ATXN8OS: variants seen among roughly 807,000 people sequenced by gnomAD.
ATXN8OS encodes the protein ATXN8 opposite strand (non-protein coding).
At chr13:70,159,147 TTTA>T (rs1162212025) in intron 4 of ATXN8OS, among the ~76,000 whole-genome samples, 1 of 150,406 alleles carries the variant, frequency 6.6e-6, no homozygotes, top group African/African-American at 2.5e-5. Context: ...TACTAATTAA[TTTA>T]TTTTCTCTCC....
At chr13:70,117,000 C>T (rs1397689747) in intron 2 of ATXN8OS, among the ~76,000 whole-genome samples, 1 of 152,026 alleles carries the variant, frequency 6.6e-6, no homozygotes, top group Non-Finnish European at 1.5e-5. Context: ...AAACCTAAAG[C>T]ATGTTCAGGT....
rs36136268 is a variant in ATXN8OS at position 70,146,066 on chromosome 13, G to GA, written n.500-1277dup. Reference sequence around the variant, plus strand: ...ACAATGAACTCAAACAAATTTACAAGAAAAAAAAAAAACAACCCCATCAAA... The same window carrying GA: ...ACAATGAACTCAAACAAATTTACAAGAAAAAAAAAAAAACAACCCCATCAAA... On this transcript the variant is annotated intron_variant and non_coding_transcript_variant, in intron 3 of 4. Transcript: ENST00000678624. 1.1e-4 allele frequency among the ~76,000 whole-genome samples: 13 copies of GA among 118,218 alleles called. 1 individual carries two copies. Among genetic ancestry groups the GA allele is most frequent in the African/African-American group, 1.5e-4 (5 of 32,432 alleles). 77.6% of individuals were successfully genotyped at this position (118,218 alleles called of 152,430 possible).
chr13:70,156,674 G>A, intron 4 of ATXN8OS, among the ~76,000 whole-genome samples: 1 of 152,004 alleles, frequency 6.6e-6, no homozygotes, highest in South Asian at 2.1e-4. Flanking sequence ...ACAAATTCAA[G>A]CTTTGTTATA....
chr13:70,146,828 TG>T (rs1454447514), intron 3 of ATXN8OS, among the ~76,000 whole-genome samples: 1 of 151,968 alleles, frequency 6.6e-6, no homozygotes, highest in Non-Finnish European at 1.5e-5. Context: ...GACAAGTTAA[TG>T]GGTGCAGCAC....
chr13:70,155,780 T>C (rs1159200743), intron 4 of ATXN8OS, among the ~76,000 whole-genome samples: 3 of 147,244 alleles, frequency 2.0e-5, no homozygotes, highest in African/African-American at 7.8e-5. Context: ...CCATTTTTTT[T>C]TTTGCCAAAA....
In ATXN8OS at chr13:70,133,248, G is replaced by C. The variant is rs554578276; in HGVS notation, n.499+3364G>C. 3.3e-5 allele frequency among the ~76,000 whole-genome samples: 5 copies of C among 152,120 alleles called. No individual in the cohort carries two copies. In the East Asian group the frequency reaches 9.7e-4, roughly 29 times the overall value. On this transcript the variant is annotated intron_variant and non_coding_transcript_variant, in intron 3 of 4. Transcript: ENST00000678624. ...TGGTGAGACCTTGTGTCTACAAAAAGTAAAAATAATAAAATTTAAAAAATA... is the reference window on the plus strand; with the variant it reads ...TGGTGAGACCTTGTGTCTACAAAAACTAAAAATAATAAAATTTAAAAAATA...
intron 3 of ATXN8OS, among the ~76,000 whole-genome samples, chr13:70,138,816 T>C (rs1263053218): frequency 6.6e-6 from 1 of 152,076 alleles, no homozygotes; most frequent in Non-Finnish European, 1.5e-5. Flanking sequence ...AAATTCATAA[T>C]GAAGTCTAGT....
At chr13:70,166,336 G>A (rs148383831) in intron 4 of ATXN8OS, among the ~76,000 whole-genome samples, 12,621 of 151,978 alleles carry the variant, frequency 0.083, 671 homozygotes, top group Non-Finnish European at 0.099. Flanking sequence ...CAATGGAACA[G>A]AACAGAACCC....
chr13:70,154,596 G>A (rs925629158), intron 4 of ATXN8OS, among the ~76,000 whole-genome samples: 1 of 152,146 alleles, frequency 6.6e-6, no homozygotes. Context: ...TCCTGTATTA[G>A]GCTGACTTGT....
chr13:70,170,396 A>G (rs933329711), exon 5 of ATXN8OS, among the ~76,000 whole-genome samples: 1 of 152,126 alleles, frequency 6.6e-6, no homozygotes, highest in Non-Finnish European at 1.5e-5. Context: ...GTTTATATGC[A>G]ATACATTTTC....
chr13:70,137,269 T>A (rs1888631417), intron 3 of ATXN8OS, among the ~76,000 whole-genome samples: 1 of 152,200 alleles, frequency 6.6e-6, no homozygotes, highest in Admixed American at 6.6e-5. Context: ...TTTAAGTAGT[T>A]ATCTTAACAT....
chr13:70,122,562 G>A (rs1264131306), intron 2 of ATXN8OS, among the ~76,000 whole-genome samples: 1 of 151,914 alleles, frequency 6.6e-6, no homozygotes, highest in African/African-American at 2.4e-5. Context: ...GTACGGCTGA[G>A]AAATAAATAA....
chr13:70,124,491 G>A (rs1329432394), intron 2 of ATXN8OS, among the ~76,000 whole-genome samples: 1 of 152,040 alleles, frequency 6.6e-6, no homozygotes, highest in Non-Finnish European at 1.5e-5. Context: ...GTAGGAGGGT[G>A]GACGGGAGTT....
chr13:70,129,781 T>C (rs1220513001), intron 2 of ATXN8OS: 2 of 398,278 alleles, frequency 5.0e-6, no homozygotes, highest in Admixed American at 4.4e-5. Flanking sequence ...TTAATTGCAA[T>C]AGCTATGGCA....
chr13:70,157,651 G>C (rs1411677545), intron 4 of ATXN8OS, among the ~76,000 whole-genome samples: 1 of 151,978 alleles, frequency 6.6e-6, no homozygotes. Context: ...ATTGAACGCA[G>C]CTTAACACAT....
intron 1 of ATXN8OS, among the ~76,000 whole-genome samples, chr13:70,113,961 G>A (rs1888238355): frequency 6.6e-6 from 1 of 152,138 alleles, no homozygotes; most frequent in Admixed American, 6.6e-5. Flanking sequence ...TAAGGAATAT[G>A]TGAAGTTATA....
At chr13:70,134,719 C>T (rs1380040557) in intron 3 of ATXN8OS, among the ~76,000 whole-genome samples, 2 of 152,210 alleles carry the variant, frequency 1.3e-5, no homozygotes, top group African/African-American at 4.8e-5. Context: ...AGTGGCGTGC[C>T]TCAGTCCACC....
At chr13:70,153,054 GTA>G (rs1888892442) in intron 4 of ATXN8OS, among the ~76,000 whole-genome samples, 1 of 144,010 alleles carries the variant, frequency 6.9e-6, no homozygotes, top group Admixed American at 7.1e-5. Context: ...GTGTGTGTGT[GTA>G]GACTGTTATA....
At chr13:70,113,755 T>G (rs1888234033) in intron 1 of ATXN8OS, among the ~76,000 whole-genome samples, 1 of 152,210 alleles carries the variant, frequency 6.6e-6, no homozygotes, top group Non-Finnish European at 1.5e-5. Flanking sequence ...TACATTTCTC[T>G]TTCCATCTTG....
Sources: gnomAD v4.1 joint callset for allele counts (sites outside exome capture counted in the v4.1 genomes callset) on GRCh38, gnomAD v4.1.1 for gene constraint, MANE v1.5 for transcripts, NCBI Gene and HGNC (gene_info 2026-07-23, HGNC 2026-07-21) for gene names.